Variants in SNRPD3 observed in about 807,000 individuals in gnomAD.
The protein encoded by SNRPD3 is small nuclear ribonucleoprotein Sm D3.
For synonymous variants in SNRPD3, 66 were observed against 58.4 expected (o/e 1.13, Z -0.59); for missense variants, 73 against 167.5 (o/e 0.44, Z 3.11).
At position 24,572,372 on chromosome 22, in the gene SNRPD3, A is replaced by G; in HGVS notation, c.*395A>G. The G allele has an allele frequency of 1.9e-6, 1 of 534,596 alleles. No homozygotes were observed. The highest frequency in any genetic ancestry group is 3.3e-6 in the Non-Finnish European group (1 of 299,620). The allele number at this position is 534,596 out of a possible 1,614,324, so 33.1% of individuals were successfully genotyped here. Reference sequence around the variant, plus strand: ...TTGTGTCTCATTCATCTTCAGACACAGGCACATAGTGTGGCACTTTGTTCA... The same window carrying G: ...TTGTGTCTCATTCATCTTCAGACACGGGCACATAGTGTGGCACTTTGTTCA... On this transcript the variant is annotated 3_prime_UTR_variant, in exon 4 of 4. Transcript: ENST00000215829.
At chr22:24,569,639 A>G (rs1316446174) in intron 3 of SNRPD3, among the ~76,000 whole-genome samples, 1 of 152,206 alleles carries the variant, frequency 6.6e-6, no homozygotes, top group Non-Finnish European at 1.5e-5. Flanking sequence ...CCCACAAGAC[A>G]GCCCCTGCAC....
Position 24,567,977 on chromosome 22 carries a change from C to T in SNRPD3, c.127-7C>T, listed in dbSNP as rs1375817690. On this transcript the variant is annotated splice_region_variant and splice_polypyrimidine_tract_variant and intron_variant, in intron 2 of 3. Coordinates refer to ENST00000215829, the MANE Select transcript of SNRPD3 (RefSeq NM_004175.5). The stretch of plus-strand genomic sequence containing the variant: ...CGTTAACTTATTAGCTGGTGATTTC[C>T]TTCCAGATGTCCAACATCACAGTCA... 3 of 1,590,810 alleles carry T rather than the reference C, an allele frequency of 1.9e-6. No homozygotes were observed. The highest frequency in any genetic ancestry group is 2.6e-6 in the Non-Finnish European group (3 of 1,166,102).
chr22:24,555,899 A>C (rs1601561091), upstream of SNRPD3: 3 of 1,479,496 alleles, frequency 2.0e-6, no homozygotes, highest in Admixed American at 2.0e-5. Flanking sequence ...AGTGAGGAGG[A>C]AGCGGAGGCG....
chr22:24,568,268 T>G (rs1315666572), intron 3 of SNRPD3, 92 bp downstream of exon 3: 1 of 976,906 alleles, frequency 1.0e-6, no homozygotes, highest in African/African-American at 1.6e-5. Context: ...CAGAGAGGGT[T>G]TGACCTCTGC....
At position 24,564,015 on chromosome 22, in the gene SNRPD3, C is replaced by T. The variant is rs548841749; in HGVS notation, c.127-3969C>T. ...AGGAAAACCAGTTTTTTAAACTTATCGTATACTTTTTTTTTCCTGTACTGT... is the reference window on the plus strand; with the variant it reads ...AGGAAAACCAGTTTTTTAAACTTATTGTATACTTTTTTTTTCCTGTACTGT... On this transcript the variant is annotated intron_variant, in intron 2 of 3. Transcript: ENST00000215829. Among the ~76,000 whole-genome samples, 10 of 152,200 alleles carry T rather than the reference C, an allele frequency of 6.6e-5. No homozygotes were observed. The South Asian group carries it at 1.2e-3, about 19-fold the overall frequency.
At chr22:24,555,896 A>C (rs566602144), upstream of SNRPD3, 10 of 1,482,996 alleles carry the variant, frequency 6.7e-6, no homozygotes, top group Middle Eastern at 2.4e-4. Flanking sequence ...CGGAGTGAGG[A>C]GGAAGCGGAG....
intron 2 of SNRPD3, among the ~76,000 whole-genome samples, chr22:24,566,931 G>A (rs889322032): frequency 1.3e-5 from 2 of 152,002 alleles, no homozygotes; most frequent in African/African-American, 2.4e-5. Flanking sequence ...TTCCTCTATC[G>A]ACAAACTTGA....
Position 24,572,260 on chromosome 22 carries a change from TGA to T in SNRPD3, c.*284_*285del. On this transcript the variant is annotated 3_prime_UTR_variant, in exon 4 of 4. Transcript: ENST00000215829. The stretch of plus-strand genomic sequence containing the variant: ...CAGTACTTTGAAATAGCACAGCTAT[TGA>T]TGAGATTTTAAGCTGCTGTTCCTGG... 1 of 617,818 alleles carries T rather than the reference TGA, an allele frequency of 1.6e-6. No individual in the cohort carries two copies. Among genetic ancestry groups the T allele is most frequent in the Non-Finnish European group, 2.8e-6 (1 of 351,286 alleles). The allele number at this position is 617,818 out of a possible 1,614,324, so 38.3% of individuals were successfully genotyped here.
At position 24,564,436 on chromosome 22, in the gene SNRPD3, T is replaced by G. The variant is rs116009169; in HGVS notation, c.127-3548T>G. 2.6e-3 allele frequency among the ~76,000 whole-genome samples: 390 copies of G among 152,334 alleles called. 4 individuals are homozygous for G. Among genetic ancestry groups the G allele is most frequent in the African/African-American group, 8.9e-3 (371 of 41,582 alleles). On this transcript the variant is annotated intron_variant, in intron 2 of 3. Coordinates refer to ENST00000215829, the MANE Select transcript of SNRPD3 (RefSeq NM_004175.5). Reference sequence around the variant, plus strand: ...CTGGGTGTTCCTGCCTGGAGTTGATTAGGATCTGGTTCACTCAAAAGTTGC... The same window carrying G: ...CTGGGTGTTCCTGCCTGGAGTTGATGAGGATCTGGTTCACTCAAAAGTTGC...
At chr22:24,568,560 A>AT (rs941027827) in intron 3 of SNRPD3, among the ~76,000 whole-genome samples, 10 of 147,394 alleles carry the variant, frequency 6.8e-5, no homozygotes, top group Non-Finnish European at 9.0e-5. Flanking sequence ...ATTTTTTTTA[A>AT]TTTTTTTATT....
chr22:24,571,854 T>C, intron 3 of SNRPD3, 62 bp from the exon 4 acceptor site: 1 of 1,577,958 alleles, frequency 6.3e-7, no homozygotes, highest in Admixed American at 1.7e-5. Flanking sequence ...CCCTGGCTAC[T>C]CTGTGCTATG....
At chr22:24,555,880 G>A, upstream of SNRPD3, 1 of 1,516,312 alleles carries the variant, frequency 6.6e-7, no homozygotes, top group African/African-American at 1.4e-5. Context: ...TTTCCCAGCC[G>A]GCAGGCGGAG....
At chr22:24,557,458 C>T (rs1336838310) in intron 1 of SNRPD3, among the ~76,000 whole-genome samples, 199 bp from the exon 2 acceptor site, 1 of 152,120 alleles carries the variant, frequency 6.6e-6, no homozygotes, top group African/African-American at 2.4e-5. Context: ...TTCCTCCTCA[C>T]CCCACATCTT....
chr22:24,560,939 A>C (rs2045135262), intron 2 of SNRPD3, among the ~76,000 whole-genome samples: 1 of 148,962 alleles, frequency 6.7e-6, no homozygotes, highest in Non-Finnish European at 1.5e-5. Flanking sequence ...GAGGCTCATC[A>C]TGTTGCCCAG....
chr22:24,561,755 C>T (rs2045146362), intron 2 of SNRPD3, among the ~76,000 whole-genome samples: 1 of 152,164 alleles, frequency 6.6e-6, no homozygotes, highest in Non-Finnish European at 1.5e-5. Context: ...ATAATCCCAA[C>T]ACTTTGAGAG....
At chr22:24,568,869 T>G (rs2045222210) in intron 3 of SNRPD3, among the ~76,000 whole-genome samples, 1 of 152,144 alleles carries the variant, frequency 6.6e-6, no homozygotes, top group Non-Finnish European at 1.5e-5. Context: ...TTTATTTTAT[T>G]TATTTATTTT....
chr22:24,567,439 T>C (rs2147127978), intron 2 of SNRPD3, among the ~76,000 whole-genome samples: 1 of 152,260 alleles, frequency 6.6e-6, no homozygotes, highest in African/African-American at 2.4e-5. Context: ...CTTTGGTTTT[T>C]TTAACATGTA....
At position 24,568,037 on chromosome 22, in the gene SNRPD3, G is replaced by T. The variant is rs2045212693; in HGVS notation, c.180G>T (p.Gln60His). ...YRDGRVAQLEQVYIRGSKIRF... is the reference protein window; with the variant it reads ...YRDGRVAQLEHVYIRGSKIRF... ...ATGGCCGAGTGGCACAGCTGGAGCA[G>T]GTATACATCCGTGGCAGCAAAATCC... Residue 60 changes from glutamine to histidine, a missense_variant, in exon 3 of 4, where the codon CAG becomes CAT. Coordinates refer to ENST00000215829, the MANE Select transcript of SNRPD3 (RefSeq NM_004175.5). 1 of 1,613,408 alleles carries T rather than the reference G, an allele frequency of 6.2e-7. No individual in the cohort carries two copies. Among genetic ancestry groups the T allele is most frequent in the Non-Finnish European group, 8.5e-7 (1 of 1,179,802 alleles).
chr22:24,568,583 A>C (rs1241230175), intron 3 of SNRPD3, among the ~76,000 whole-genome samples: 1 of 149,060 alleles, frequency 6.7e-6, no homozygotes, highest in Non-Finnish European at 1.5e-5. Flanking sequence ...TTTGAGATGG[A>C]GTCTCGCTCT....
Sources: allele counts gnomAD v4.1 joint callset (sites outside exome capture counted in the v4.1 genomes callset), GRCh38; gene constraint gnomAD v4.1.1; transcripts MANE v1.5; gene names NCBI Gene and HGNC (gene_info 2026-07-23, HGNC 2026-07-21).